The following ZNF85 variants were observed in gnomAD, a reference collection of about 807,000 sequenced individuals.
The protein encoded by ZNF85 is zinc finger protein 85, also known as zinc finger protein 85 (HPF4, HTF1).
Under a neutral mutation model 53.9 loss-of-function variants are expected in ZNF85, and 50 were observed. That is an observed-to-expected ratio of 0.93 (90% CI 0.74 to 1.17). ZNF85 has a LOEUF of 1.17. Among genes scored for constraint, ZNF85 ranks in the 50% most tolerant of loss-of-function variants. The pLI, the probability that ZNF85 is intolerant of heterozygous loss-of-function variation, is 0.00. For synonymous variants in ZNF85, 225 were observed against 226.1 expected, an observed-to-expected ratio of 1.00 and a Z score of 0.04; for missense variants, 747 against 688.5, an observed-to-expected ratio of 1.08 and a Z score of -0.95.
At position 20,950,269 on chromosome 19, in the gene ZNF85, G is replaced by T. The variant is rs745387974; in HGVS notation, c.1755G>T (p.Lys585Asn). The T allele has an allele frequency of 8.4e-6, 13 of 1,551,180 alleles. No homozygotes were observed. The highest frequency in any genetic ancestry group is 2.1e-5 in the Admixed American group (1 of 47,200). Residue 585 changes from lysine (K) to asparagine (N), a missense_variant, in exon 4 of 4, where the codon AAG becomes AAT. Coordinates refer to ENST00000328178, the MANE Select transcript of ZNF85 (RefSeq NM_003429.5). ...FKWSSVLTKH[K>N]IIHTGEKLQI ...GGTCCTCAGTCCTTACTAAACATAA[G>T]ATAATTCATACCGGAGAAAAATTAC...
Position 20,949,799 on chromosome 19 carries a change from A to T in ZNF85, c.1285A>T (p.Lys429Ter). The change falls in exon 4 of 4, where the codon AAA (lysine) becomes TAA (stop). Residue 429 changes from lysine to a stop codon, truncating the protein, a stop_gained. Coordinates refer to ENST00000328178, the MANE Select transcript of ZNF85 (RefSeq NM_003429.5). LOFTEE classifies it high-confidence loss of function. Reference sequence around the variant, plus strand: ...TACTGGAGAGAAGCCTTACAAATGTAAAGAATGTGAAAAAGCTTTTAACCA... The same window carrying T: ...TACTGGAGAGAAGCCTTACAAATGTTAAGAATGTGAAAAAGCTTTTAACCA... ...IHTGEKPYKC[K>*]ECEKAFNQSS... is the part of the protein sequence containing the mutation. 6.2e-7 allele frequency: 1 copy of T among 1,611,484 alleles called. No individual in the cohort carries two copies. Among genetic ancestry groups the T allele is most frequent in the Non-Finnish European group, 8.5e-7 (1 of 1,178,820 alleles).
intron 2 of ZNF85, 114 bp downstream of exon 2, chr19:20,934,264 GT>G (rs1318223547): frequency 7.3e-7 from 1 of 1,367,234 alleles, no homozygotes; most frequent in Non-Finnish European, 9.9e-7. Context: ...TCAGATCCCT[GT>G]TTTCAAGAAA....
At chr19:20,938,680 G>A (rs1470717267) in intron 3 of ZNF85, among the ~76,000 whole-genome samples, 1 of 152,084 alleles carries the variant, frequency 6.6e-6, no homozygotes, top group African/African-American at 2.4e-5. Context: ...TATACAATTA[G>A]TAGGCACTCC....
intron 1 of ZNF85, among the ~76,000 whole-genome samples, chr19:20,926,493 G>A (rs891377510): frequency 2.0e-5 from 3 of 151,928 alleles, no homozygotes; most frequent in African/African-American, 7.2e-5. Context: ...TTTCATTGGA[G>A]TTTTCAGTTT....
rs768097517 is a variant in ZNF85 at position 20,947,488 on chromosome 19, C to CTTTT, written c.230-1230_230-1227dup. Among the ~76,000 whole-genome samples the CTTTT allele has an allele frequency of 1.5e-3, 78 of 51,630 alleles. 17 individuals carry two copies. The highest frequency in any genetic ancestry group is 2.4e-3 in the African/African-American group (29 of 11,932). 33.9% of individuals were successfully genotyped at this position (51,630 alleles called of 152,430 possible). ...GTAGGGCATATGCAGTGCCAATACACTTTTTTTTTTTTTTTTTTTTTTTTT... is the reference window on the plus strand; with the variant it reads ...GTAGGGCATATGCAGTGCCAATACACTTTTTTTTTTTTTTTTTTTTTTTTTTTTT... On this transcript the variant is annotated intron_variant, in intron 3 of 3. Coordinates refer to ENST00000328178, the MANE Select transcript of ZNF85 (RefSeq NM_003429.5).
At chr19:20,946,505 G>A (rs1482457447) in intron 3 of ZNF85, 1 of 230,398 alleles carries the variant, frequency 4.3e-6, no homozygotes, top group African/African-American at 2.4e-5. Context: ...TGCACTCTAT[G>A]TGTTTCATCG....
intron 3 of ZNF85, among the ~76,000 whole-genome samples, chr19:20,941,159 GT>G (rs1399761772): frequency 6.6e-6 from 1 of 152,084 alleles, no homozygotes; most frequent in Non-Finnish European, 1.5e-5. Context: ...AATTTGGTGG[GT>G]TTTTTTATAT....
chr19:20,944,828 ACT>A (rs1312875359), intron 3 of ZNF85, among the ~76,000 whole-genome samples: 6 of 152,170 alleles, frequency 3.9e-5, no homozygotes, highest in South Asian at 2.1e-4. Flanking sequence ...AAAATATTTA[ACT>A]CTGCAATTTA....
chr19:20,929,620 A>AT (rs1427173128), intron 1 of ZNF85, among the ~76,000 whole-genome samples: 1 of 152,330 alleles, frequency 6.6e-6, no homozygotes, highest in Admixed American at 6.5e-5. Flanking sequence ...GCTTAAAAAG[A>AT]TTAAGATTAC....
chr19:20,948,490 T>C (rs188398098), intron 3 of ZNF85, among the ~76,000 whole-genome samples: 1 of 146,942 alleles, frequency 6.8e-6, no homozygotes, highest in Non-Finnish European at 1.5e-5. Flanking sequence ...AAACTTTTTT[T>C]TTCCTATGTG....
chr19:20,948,755 CA>C lies in ZNF85; in HGVS notation c.242del (p.His81LeufsTer12). The stretch of plus-strand genomic sequence containing the variant: ...TTTGTTTCTTTCAGTTATGTGTTCT[CA>C]TTTTGCCCAAGACCTTTGGCCGGAG... ...MVAKPTVMCSHFAQDLWPEQN... is the reference protein window; with the variant it reads ...MVAKPTVMCSXFAQDLWPEQN... On this transcript the variant is annotated frameshift_variant, in exon 4 of 4. Coordinates refer to ENST00000328178, the MANE Select transcript of ZNF85 (RefSeq NM_003429.5). LOFTEE classifies it high-confidence loss of function. 6.4e-7 allele frequency: 1 copy of C among 1,555,690 alleles called. No homozygotes were observed. The highest frequency in any genetic ancestry group is 8.7e-7 in the Non-Finnish European group (1 of 1,154,784).
intron 3 of ZNF85, among the ~76,000 whole-genome samples, chr19:20,946,043 C>CATT (rs4026906): frequency 0.87 from 130,153 of 149,978 alleles, 56,727 homozygotes; most frequent in African/African-American, 0.93. Context: ...ATGCCTCAAA[C>CATT]GTTTTTTTTT....
At chr19:20,944,121 A>G (rs568960484) in intron 3 of ZNF85, 4 of 177,276 alleles carry the variant, frequency 2.3e-5, no homozygotes, top group East Asian at 3.8e-4. Context: ...TTATTTTGAT[A>G]ATAAATAATT....
intron 3 of ZNF85, 129 bp downstream of exon 3, chr19:20,935,176 GTTTC>G (rs2144627454): frequency 7.0e-6 from 4 of 574,884 alleles, no homozygotes; most frequent in Middle Eastern, 2.8e-4. Flanking sequence ...GAAGCCTGAG[GTTTC>G]TTTCTTTCTT....
In ZNF85 at chr19:20,949,192, A is replaced by C; in HGVS notation, c.678A>C (p.Gly226=). The change falls in exon 4 of 4, where the codon GGA becomes GGC. Residue 226 remains glycine (G), a synonymous_variant. Transcript: ENST00000328178. ...TLTKHKRIHT[G]EKPYKCEECG... ...CTAAACATAAGAGAATTCATACGGG[A>C]GAGAAACCTTACAAATGTGAAGAAT... 1.2e-6 allele frequency: 2 copies of C among 1,613,482 alleles called. No individual in the cohort carries two copies.
chr19:20,943,398 T>G (rs1303149399), intron 3 of ZNF85: 1 of 152,222 alleles, frequency 6.6e-6, no homozygotes, highest in Non-Finnish European at 1.5e-5. Flanking sequence ...TAAAAGAACC[T>G]GGCCCCTTCA....
At chr19:20,943,306 A>G (rs1195407043) in intron 3 of ZNF85, 1 of 155,056 alleles carries the variant, frequency 6.4e-6, no homozygotes, top group Non-Finnish European at 1.4e-5. Context: ...TCATGGGGCA[A>G]ATTTCTCATG....
At chr19:20,947,987 A>T (rs1051877301) in intron 3 of ZNF85, among the ~76,000 whole-genome samples, 1 of 151,936 alleles carries the variant, frequency 6.6e-6, no homozygotes, top group African/African-American at 2.4e-5. Context: ...ATATTTTTAT[A>T]TGTTGTAATC....
chr19:20,949,656 A>G lies in ZNF85; in HGVS notation c.1142A>G (p.His381Arg). 3 of 1,613,176 alleles carry G rather than the reference A, an allele frequency of 1.9e-6. No individual in the cohort carries two copies. Among genetic ancestry groups the G allele is most frequent in the Non-Finnish European group, 8.5e-7 (1 of 1,179,572 alleles). The change falls in exon 4 of 4, where the codon CAT becomes CGT. Residue 381 changes from histidine to arginine, a missense_variant. Coordinates refer to ENST00000328178, the MANE Select transcript of ZNF85 (RefSeq NM_003429.5). Reference sequence around the variant, plus strand: ...GAAAAATGTGGAAAAGCCTTTAATCATTTCTCACACCTTACTACACATAAG... The same window carrying G: ...GAAAAATGTGGAAAAGCCTTTAATCGTTTCTCACACCTTACTACACATAAG... ...KCEKCGKAFN[H>R]FSHLTTHKII...
Sources: allele counts gnomAD v4.1 joint callset (sites outside exome capture counted in the v4.1 genomes callset), GRCh38; gene constraint gnomAD v4.1.1; transcripts MANE v1.5; gene names NCBI Gene and HGNC (gene_info 2026-07-23, HGNC 2026-07-21).